Variants in UNC13C observed in about 807,000 individuals in gnomAD.
The protein encoded by UNC13C is protein unc-13 homolog C.
Under a neutral mutation model 245.4 loss-of-function variants are expected in UNC13C, and 174 were observed. The ratio of observed to expected loss-of-function variants is 0.71; its 90% CI spans 0.63 to 0.80. The LOEUF is 0.80. Among genes scored for constraint, UNC13C ranks in the 30% least tolerant of loss-of-function variants. The pLI is 0.00. For synonymous variants in UNC13C, 992 were observed against 895.1 expected, an observed-to-expected ratio of 1.11 and a Z score of -1.93; for missense variants, 2,829 against 2,602.9, an observed-to-expected ratio of 1.09 and a Z score of -1.89.
intron 4 of UNC13C, 54 bp downstream of exon 4, chr15:54,143,738 G>A: frequency 1.4e-6 from 2 of 1,412,318 alleles, no homozygotes; most frequent in Non-Finnish European, 2.0e-6. Flanking sequence ...GCACTTGGCT[G>A]TGTTCTCAAC....
chr15:54,444,449 A>G (rs1438311441), intron 19 of UNC13C, among the ~76,000 whole-genome samples: 3 of 151,876 alleles, frequency 2.0e-5, no homozygotes, highest in African/African-American at 7.2e-5. Context: ...TGTAGGCATG[A>G]TATAACTGTA....
At chr15:54,099,504 T>C (rs2141152375) in intron 2 of UNC13C, among the ~76,000 whole-genome samples, 1 of 152,282 alleles carries the variant, frequency 6.6e-6, no homozygotes, top group African/African-American at 2.4e-5. Context: ...GATGGTCACT[T>C]AATTATCTTT....
chr15:54,136,668 T>C (rs2031750009), intron 2 of UNC13C, among the ~76,000 whole-genome samples: 1 of 152,180 alleles, frequency 6.6e-6, no homozygotes. Context: ...TCGAGTATGA[T>C]GTTAGCTATG....
At chr15:54,441,009 T>C (rs1890498209) in intron 19 of UNC13C, among the ~76,000 whole-genome samples, 1 of 152,068 alleles carries the variant, frequency 6.6e-6, no homozygotes. Context: ...TGAGATTATT[T>C]ATTTTCTTAC....
At chr15:53,875,297 G>A in the UNC13C span, among the ~76,000 whole-genome samples, 1 of 152,194 alleles carries the variant, frequency 6.6e-6, no homozygotes, top group Admixed American at 6.6e-5. Flanking sequence ...ATCCTGGGGT[G>A]CAGTGTAGCA....
intron 1 of UNC13C, among the ~76,000 whole-genome samples, chr15:53,994,400 A>G (rs1157214403): frequency 1.3e-5 from 2 of 152,092 alleles, no homozygotes; most frequent in Non-Finnish European, 1.5e-5. Context: ...CTTTAGTGTG[A>G]TGCTAATTTA....
chr15:53,908,752 CA>C, the UNC13C span, among the ~76,000 whole-genome samples: 4 of 88,174 alleles, frequency 4.5e-5, no homozygotes, highest in African/African-American at 1.2e-4. Context: ...AACCTTTCTC[CA>C]AAAAAAAAAA....
At chr15:53,957,664 T>G in the UNC13C span, among the ~76,000 whole-genome samples, 18 of 152,320 alleles carry the variant, frequency 1.2e-4, no homozygotes, top group Middle Eastern at 3.4e-3. Context: ...TCTGAGGAGA[T>G]TGATATAAGT....
At chr15:54,514,662 C>A (rs1182925059) in intron 24 of UNC13C, among the ~76,000 whole-genome samples, 1 of 152,190 alleles carries the variant, frequency 6.6e-6, no homozygotes, top group Non-Finnish European at 1.5e-5. Context: ...CAGCTCCCTG[C>A]TGCTTTAACC....
intron 2 of UNC13C, among the ~76,000 whole-genome samples, chr15:54,090,164 C>A (rs1236917547): frequency 6.6e-6 from 1 of 152,094 alleles, no homozygotes; most frequent in Non-Finnish European, 1.5e-5. Flanking sequence ...AAAATGGAAC[C>A]ACTTCAGGAT....
chr15:54,481,392 G>T (rs1365461458), intron 19 of UNC13C, among the ~76,000 whole-genome samples: 5 of 152,086 alleles, frequency 3.3e-5, no homozygotes, highest in Non-Finnish European at 5.9e-5. Context: ...CAGACTGCAA[G>T]AAAGAAATTG....
chr15:54,632,695 A>G (rs1011778272), downstream of UNC13C: 3 of 152,222 alleles, frequency 2.0e-5, no homozygotes, highest in Non-Finnish European at 4.4e-5. Flanking sequence ...AATGTGTGTG[A>G]GTCCATTTCT....
chr15:53,946,733 A>G, the UNC13C span, among the ~76,000 whole-genome samples: 5 of 118,586 alleles, frequency 4.2e-5, no homozygotes, highest in Admixed American at 3.0e-4. Flanking sequence ...CAAAAGGTCT[A>G]TCTGTGTCTA....
chr15:54,487,124 A>G (rs149868883), intron 19 of UNC13C, among the ~76,000 whole-genome samples: 12 of 151,130 alleles, frequency 7.9e-5, no homozygotes, highest in African/African-American at 3.0e-4. Flanking sequence ...AATTCTACGT[A>G]GATCAATCAG....
chr15:54,589,289 C>CTTTTTTTTTTTTTTTTTT lies in UNC13C; in HGVS notation c.6106+21352_6106+21369dup, dbSNP rs71105821. 2.2e-4 allele frequency among the ~76,000 whole-genome samples: 12 copies of CTTTTTTTTTTTTTTTTTT among 53,486 alleles called. 3 individuals carry two copies. Among genetic ancestry groups the CTTTTTTTTTTTTTTTTTT allele is most frequent in the Admixed American group, 3.6e-4 (1 of 2,758 alleles). 35.1% of individuals were successfully genotyped at this position (53,486 alleles called of 152,430 possible). On this transcript the variant is annotated intron_variant, in intron 30 of 32. Coordinates refer to ENST00000260323, the MANE Select transcript of UNC13C (RefSeq NM_001080534.3). ...GCCATTTGTATATCTTCTTCTTCTT[C>CTTTTTTTTTTTTTTTTTT]TTTTTTTTTTTTTTTTTTTTTTTTT...
At chr15:54,452,663 C>T (rs543973306) in intron 19 of UNC13C, among the ~76,000 whole-genome samples, 101 of 152,194 alleles carry the variant, frequency 6.6e-4, no homozygotes, top group African/African-American at 2.3e-3. Context: ...TGTGGTCAGA[C>T]GGAGTGATCC....
chr15:53,881,373 AG>A, the UNC13C span, among the ~76,000 whole-genome samples: 2 of 152,214 alleles, frequency 1.3e-5, no homozygotes, highest in Non-Finnish European at 2.9e-5. Context: ...GTATCTTAAA[AG>A]TTAAATGCTT....
rs2038045622 is a variant in UNC13C, at chr15:54,317,741, A to G, written c.4269-4198A>G. On this transcript the variant is annotated intron_variant, in intron 13 of 32. Transcript: ENST00000260323. Reference sequence around the variant, plus strand: ...CTCACATAGTTATCATTTTTGTGGGAGAACTTTTAACATCCGTTCTCCTAG... The same window carrying G: ...CTCACATAGTTATCATTTTTGTGGGGGAACTTTTAACATCCGTTCTCCTAG... 2.0e-5 allele frequency among the ~76,000 whole-genome samples: 3 copies of G among 152,080 alleles called. No individual in the cohort carries two copies. The East Asian group carries it at 5.8e-4, about 30-fold the overall frequency.
intron 1 of UNC13C, among the ~76,000 whole-genome samples, chr15:53,996,284 C>T (rs760249449): frequency 6.6e-5 from 10 of 152,038 alleles, no homozygotes; most frequent in Non-Finnish European, 1.0e-4. Context: ...AACTTCAGTT[C>T]GTCTTTAATC....
Sources: gnomAD v4.1 joint callset for allele counts (sites outside exome capture counted in the v4.1 genomes callset) on GRCh38, gnomAD v4.1.1 for gene constraint, MANE v1.5 for transcripts, NCBI Gene and HGNC (gene_info 2026-07-23, HGNC 2026-07-21) for gene names.